The following AGAP3 variants were observed in gnomAD, a reference collection of about 807,000 sequenced individuals.
AGAP3 encodes ArfGAP with GTPase domain, ankyrin repeat and PH domain 3, also known as arf-GAP with GTPase, ANK repeat and PH domain-containing protein 3.
AGAP3 carries 24 observed loss-of-function variants against 96.9 expected under a neutral mutation model. The ratio of observed to expected loss-of-function variants is 0.25; its 90% CI spans 0.18 to 0.35. AGAP3 has a LOEUF of 0.35. Ranked by LOEUF, AGAP3 falls within the 10% of genes least tolerant of loss-of-function variation. AGAP3 has a pLI of 1.00. For synonymous variants in AGAP3, 563 were observed against 536.1 expected (o/e 1.05, Z -0.69); for missense variants, 876 against 1,254.2 (o/e 0.70, Z 4.55).
chr7:151,138,081 G>A (rs1222058415), intron 11 of AGAP3, 62 bp from the exon 12 acceptor site: 1 of 1,256,566 alleles, frequency 8.0e-7, no homozygotes, highest in East Asian at 2.5e-5. Flanking sequence ...TTTTAGGATA[G>A]TATCTTTGAG....
intron 1 of AGAP3, among the ~76,000 whole-genome samples, chr7:151,099,570 G>A (rs1232605415): frequency 2.6e-5 from 4 of 152,274 alleles, no homozygotes; most frequent in South Asian, 2.1e-4. Context: ...AGGGGCACTC[G>A]TGTTCCCACC....
intron 11 of AGAP3, among the ~76,000 whole-genome samples, chr7:151,137,226 G>A (rs1030282438): frequency 3.3e-5 from 5 of 152,060 alleles, no homozygotes; most frequent in African/African-American, 9.6e-5. Context: ...CCCCTGGCTG[G>A]GCCTCTGCCT....
chr7:151,118,329 C>G lies in AGAP3; in HGVS notation c.826C>G (p.Arg276Gly). The change falls in exon 6 of 18, where the codon CGT becomes GGT. Residue 276 changes from arginine (R) to glycine (G), a missense_variant. Physicochemically the swap from Arg to Gly is moderately radical, Grantham distance 125 (BLOSUM62 -2). Around this residue, in one of 8 missense-constraint regions of AGAP3, gnomAD observed 131 missense variants for 304.5 expected, o/e 0.43. Coordinates refer to ENST00000397238, the MANE Select transcript of AGAP3 (RefSeq NM_031946.7). This position sits in a 1 kb window ranked among gnomAD's most constrained non-coding sequence, Gnocchi z 6.1. ...TCATYGLNVE[R>G]VFQDVAQKVV... is the part of the protein sequence containing the mutation. ...CGCGACCTACGGGCTCAATGTGGAG[C>G]GTGTCTTCCAGGACGGTAACTCGGG... 1 of 1,611,770 alleles carries G rather than the reference C, an allele frequency of 6.2e-7. No homozygotes were observed. Among genetic ancestry groups the G allele is most frequent in the Non-Finnish European group, 8.5e-7 (1 of 1,178,074 alleles).
chr7:151,115,091 G>A, intron 1 of AGAP3: 1 of 1,029,220 alleles, frequency 9.7e-7, no homozygotes, highest in Non-Finnish European at 1.2e-6. Flanking sequence ...CCAGCCCCGC[G>A]CCGACCCGGC....
chr7:151,138,597 G>A (rs924643073), intron 12 of AGAP3, among the ~76,000 whole-genome samples: 1 of 152,176 alleles, frequency 6.6e-6, no homozygotes. Context: ...TGGGGCCGGC[G>A]CTAGAGGCCC....
At position 151,143,691 on chromosome 7, in the gene AGAP3, C is replaced by T. The variant is rs1800910981; in HGVS notation, c.2530-46C>T. 2 of 1,612,352 alleles carry T rather than the reference C, an allele frequency of 1.2e-6. No homozygotes were observed. The highest frequency in any genetic ancestry group is 1.7e-6 in the Non-Finnish European group (2 of 1,178,564). On this transcript the variant is annotated intron_variant, in intron 17 of 17. Transcript: ENST00000397238. This position sits in a 1 kb window ranked among gnomAD's most constrained non-coding sequence, Gnocchi z 5.9. ...CTTTCCTCCCCTACAACCAATCTCT[C>T]TCCTCCCATGTCTTGCCAACTGTCA...
rs1800783061 is a variant in AGAP3, at chr7:151,140,713, C to T, written c.1804+597C>T. 6.6e-6 allele frequency: 1 copy of T among 152,208 alleles called. No individual in the cohort carries two copies. Among genetic ancestry groups the T allele is most frequent in the South Asian group, 2.1e-4 (1 of 4,826 alleles). The allele number at this position is 152,208 out of a possible 1,614,324, so 9.4% of individuals were successfully genotyped here. On this transcript the variant is annotated intron_variant, in intron 13 of 17. Coordinates refer to ENST00000397238, the MANE Select transcript of AGAP3 (RefSeq NM_031946.7). This position sits in a 1 kb window ranked among gnomAD's most constrained non-coding sequence, Gnocchi z 5.4. ...CATAATTTCTCACTTCTGCTCTAATCATCAGGGTAGACGTATGGGTCAGGG... is the reference window on the plus strand; with the variant it reads ...CATAATTTCTCACTTCTGCTCTAATTATCAGGGTAGACGTATGGGTCAGGG...
Position 151,142,549 on chromosome 7 carries a change from A to G in AGAP3, c.2188A>G (p.Met730Val). 1 of 1,613,656 alleles carries G rather than the reference A, an allele frequency of 6.2e-7. No individual in the cohort carries two copies. ...CTGGCCGCCTGAGCTGCTGGCTGTC[A>G]TGACTGCCATGGGCAATGCCCTCGC... ...DDWPPELLAV[M>V]TAMGNALANS... is the part of the protein sequence containing the mutation. Residue 730 changes from methionine to valine, a missense_variant, in exon 16 of 18, where the codon ATG becomes GTG. Around this residue, in one of 8 missense-constraint regions of AGAP3, gnomAD observed 213 missense variants for 253.8 expected, o/e 0.84. Coordinates refer to ENST00000397238, the MANE Select transcript of AGAP3 (RefSeq NM_031946.7). This position sits in a 1 kb window ranked among gnomAD's most constrained non-coding sequence, Gnocchi z 7.5.
At chr7:151,086,360 G>T (rs1798141376), upstream of AGAP3, among the ~76,000 whole-genome samples, 1 of 144,206 alleles carries the variant, frequency 6.9e-6, no homozygotes, top group Non-Finnish European at 1.5e-5. Context: ...GCGCGCAGGA[G>T]GGGCGGGGGC....
intron 1 of AGAP3, among the ~76,000 whole-genome samples, chr7:151,107,358 T>G (rs1350586809): frequency 2.0e-5 from 3 of 148,104 alleles, no homozygotes; most frequent in Admixed American, 6.7e-5. Flanking sequence ...GCACGATGGC[T>G]CATGCCTGTA....
Position 151,126,997 on chromosome 7 carries a change from C to T in AGAP3, c.1222-1583C>T, listed in dbSNP as rs75339341. On this transcript the variant is annotated intron_variant, in intron 9 of 17. Transcript: ENST00000397238. ...GAGGAGGAGCAGCAAGAATGTGAAA[C>T]GTGCTGGAAAGTCAGCAATTGATGT... Among the ~76,000 whole-genome samples, 924 of 152,318 alleles carry T rather than the reference C, an allele frequency of 6.1e-3. 9 individuals are homozygous for T. The highest frequency in any genetic ancestry group is 0.021 in the African/African-American group (885 of 41,560).
Position 151,115,665 on chromosome 7 carries a change from G to T in AGAP3, c.332-1128G>T, listed in dbSNP as rs771455849. Reference sequence around the variant, plus strand: ...CGGTAAGGGGGCGGGCCTGGGGGGCGTCTGGCAGAAAACAGCTCGCGGGAG... The same window carrying T: ...CGGTAAGGGGGCGGGCCTGGGGGGCTTCTGGCAGAAAACAGCTCGCGGGAG... On this transcript the variant is annotated intron_variant, in intron 1 of 17. Transcript: ENST00000397238. 1.0e-4 allele frequency: 116 copies of T among 1,148,684 alleles called. 1 individual carries two copies. In the Admixed American group the frequency reaches 2.4e-3, roughly 24 times the overall value. 71.2% of individuals were successfully genotyped at this position (1,148,684 alleles called of 1,614,324 possible). A position where few individuals can be genotyped will look rare whatever the true frequency, so the allele number is the denominator to read the frequency against.
intron 9 of AGAP3, among the ~76,000 whole-genome samples, chr7:151,126,650 C>G (rs1011029276): frequency 1.3e-4 from 20 of 152,110 alleles, no homozygotes; most frequent in African/African-American, 4.6e-4. Context: ...CATGGCTGGT[C>G]GCAGCGGGAG....
chr7:151,125,938 T>C (rs897740306), intron 9 of AGAP3, among the ~76,000 whole-genome samples: 1 of 152,100 alleles, frequency 6.6e-6, no homozygotes. Context: ...TGCTCCGCCG[T>C]GCGCAGCCGG....
At position 151,143,748 on chromosome 7, in the gene AGAP3, C is replaced by G; in HGVS notation, c.2541C>G (p.Asp847Glu). Residue 847 changes from aspartate (D) to glutamate (E), a missense_variant, in exon 18 of 18, where the codon GAC becomes GAG. By Grantham distance (45) the Asp-to-Glu change is conservative (BLOSUM62 2). Transcript: ENST00000397238. The surrounding 1 kb of genome is among the most constrained non-coding windows in gnomAD (Gnocchi z 5.9). Reference protein sequence around the residue: ...FTQLLIWYGVDVRSRDARGLT... With the variant: ...FTQLLIWYGVEVRSRDARGLT... ...GTTTTCTCCTACAGTACGGGGTGGACGTGAGGAGCCGGGACGCCCGGGGCC... is the reference window on the plus strand; with the variant it reads ...GTTTTCTCCTACAGTACGGGGTGGAGGTGAGGAGCCGGGACGCCCGGGGCC... 3 of 1,614,154 alleles carry G rather than the reference C, an allele frequency of 1.9e-6. No homozygotes were observed. In the South Asian group the frequency reaches 3.3e-5, roughly 18 times the overall value.
At position 151,114,879 on chromosome 7, in the gene AGAP3, G is replaced by A; in HGVS notation, c.332-1914G>A. ...GCTGGACCTGCACGGCGCCTCGGCCGGCCGCGCTGCCGCCGCCCTGCAGGC... is the reference window on the plus strand; with the variant it reads ...GCTGGACCTGCACGGCGCCTCGGCCAGCCGCGCTGCCGCCGCCCTGCAGGC... On this transcript the variant is annotated intron_variant, in intron 1 of 17. Transcript: ENST00000397238. The surrounding 1 kb of genome is among the most constrained non-coding windows in gnomAD (Gnocchi z 4.4). 2.0e-6 allele frequency: 2 copies of A among 1,010,060 alleles called. No homozygotes were observed. The highest frequency in any genetic ancestry group is 2.4e-6 in the Non-Finnish European group (2 of 848,880). The allele number at this position is 1,010,060 out of a possible 1,614,324, so 62.6% of individuals were successfully genotyped here.
Position 151,096,292 on chromosome 7 carries a change from G to A in AGAP3, c.331+9220G>A, listed in dbSNP as rs570540473. On this transcript the variant is annotated intron_variant, in intron 1 of 17. Transcript: ENST00000397238. The surrounding 1 kb of genome is among the most constrained non-coding windows in gnomAD (Gnocchi z 4.4). The stretch of plus-strand genomic sequence containing the variant: ...GAGAGCCCAGGTGGCAGAGTGTGGG[G>A]TACGTTGGTTTAGCTCATCCAGGCC... Among the ~76,000 whole-genome samples, 1 of 152,278 alleles carries A rather than the reference G, an allele frequency of 6.6e-6. No homozygotes were observed. The highest frequency in any genetic ancestry group is 1.9e-4 in the East Asian group (1 of 5,178).
intron 1 of AGAP3, among the ~76,000 whole-genome samples, chr7:151,105,301 C>T (rs1005736319): frequency 2.0e-5 from 3 of 152,122 alleles, no homozygotes; most frequent in African/African-American, 7.2e-5. Context: ...TGTACACTTA[C>T]TGCAGAAAAA....
intron 1 of AGAP3, among the ~76,000 whole-genome samples, chr7:151,097,520 A>C (rs1440315895): frequency 1.3e-5 from 2 of 149,184 alleles, no homozygotes; most frequent in African/African-American, 2.4e-5. Context: ...TCTGTCTCAA[A>C]AAAAAAAAAA....
Sources: allele counts gnomAD v4.1 joint callset (sites outside exome capture counted in the v4.1 genomes callset), GRCh38; gene constraint gnomAD v4.1.1; regional missense constraint gnomAD v4.1.1; non-coding constraint Gnocchi (gnomAD v3.1); transcripts MANE v1.5; gene names NCBI Gene and HGNC (gene_info 2026-07-23, HGNC 2026-07-21).